ANKHD1: variants seen among roughly 807,000 people sequenced by gnomAD.
ANKHD1 encodes the protein ankyrin repeat and KH domain containing 1.
ANKHD1 carries 31 observed loss-of-function variants against 230.5 expected under a neutral mutation model. That is an observed-to-expected ratio of 0.13 (90% CI 0.10 to 0.18). The LOEUF is 0.18. Among genes scored for constraint, ANKHD1 ranks in the 10% least tolerant of loss-of-function variants. The probability of loss-of-function intolerance (pLI) is 1.00; values close to 1 mark genes in which losing one functional copy is unlikely to be tolerated. For synonymous variants in ANKHD1, 1,074 were observed against 1,117.6 expected (o/e 0.96, Z 0.78); for missense variants, 2,256 against 3,071.3 (o/e 0.73, Z 6.27).
intron 14 of ANKHD1, among the ~76,000 whole-genome samples, chr5:140,491,588 A>G (rs1017288679): frequency 2.0e-5 from 3 of 152,154 alleles, no homozygotes; most frequent in Non-Finnish European, 2.9e-5. Context: ...GTTTCTACCT[A>G]TAGCATAGTG....
At chr5:140,522,313 A>T (rs1262686297) in intron 24 of ANKHD1, among the ~76,000 whole-genome samples, 1 of 152,212 alleles carries the variant, frequency 6.6e-6, no homozygotes, top group Non-Finnish European at 1.5e-5. Context: ...TTTTATTGCC[A>T]AATACGAAAA....
chr5:140,465,503 C>T (rs1187755849), intron 10 of ANKHD1, among the ~76,000 whole-genome samples: 1 of 152,112 alleles, frequency 6.6e-6, no homozygotes, highest in East Asian at 1.9e-4. Context: ...TAAACTGCTT[C>T]CTAGAGTTTT....
Position 140,528,585 on chromosome 5 carries a change from C to A in ANKHD1, c.5639C>A (p.Thr1880Asn). ...PRLPMAQFGG[T>N]FSPSPNTWGP... is the part of the protein sequence containing the mutation. ...TTACCCATGGCCCAGTTTGGAGGAACCTTCTCACCTTCTCCTAACACATGG... is the reference window on the plus strand; with the variant it reads ...TTACCCATGGCCCAGTTTGGAGGAAACTTCTCACCTTCTCCTAACACATGG... Residue 1880 changes from threonine to asparagine, a missense_variant, in exon 29 of 34, where the codon ACC becomes AAC. By Grantham distance (65) the Thr-to-Asn change is moderately conservative. This residue lies in a region of ANKHD1 where 778 missense variants were observed against 966.5 expected (regional missense o/e 0.80). Transcript: ENST00000360839. 6.2e-7 allele frequency: 1 copy of A among 1,614,172 alleles called. No individual in the cohort carries two copies. The highest frequency in any genetic ancestry group is 8.5e-7 in the Non-Finnish European group (1 of 1,180,038).
chr5:140,453,256 C>T (rs900998751), intron 7 of ANKHD1, among the ~76,000 whole-genome samples: 9 of 152,122 alleles, frequency 5.9e-5, no homozygotes, highest in Non-Finnish European at 8.8e-5. Flanking sequence ...CTGAAAGTGA[C>T]GGGGAGAATG....
At chr5:140,514,877 C>T (rs867478988) in intron 24 of ANKHD1, among the ~76,000 whole-genome samples, 3 of 151,706 alleles carry the variant, frequency 2.0e-5, no homozygotes, top group Admixed American at 6.6e-5. Flanking sequence ...GAGGCTGAGG[C>T]GAGAGGATCT....
chr5:140,464,783 T>C lies in ANKHD1; in HGVS notation c.1782+7T>C. 2 of 1,585,606 alleles carry C rather than the reference T, an allele frequency of 1.3e-6. No individual in the cohort carries two copies. Among genetic ancestry groups the C allele is most frequent in the Non-Finnish European group, 1.7e-6 (2 of 1,163,818 alleles). On this transcript the variant is annotated splice_region_variant and intron_variant, in intron 10 of 33. Transcript: ENST00000360839. ...TCAAGCAGGGGCTGATTTAGTAAGATATTTTTAATTTCAAATATTTTTGCG... is the reference window on the plus strand; with the variant it reads ...TCAAGCAGGGGCTGATTTAGTAAGACATTTTTAATTTCAAATATTTTTGCG...
chr5:140,492,935 C>A (rs920203504), intron 14 of ANKHD1, among the ~76,000 whole-genome samples: 3 of 152,078 alleles, frequency 2.0e-5, no homozygotes, highest in African/African-American at 7.2e-5. Flanking sequence ...AAAATAAAGG[C>A]CATGTTTAAG....
At chr5:140,510,618 T>C (rs2127059852) in intron 22 of ANKHD1, among the ~76,000 whole-genome samples, 1 of 152,190 alleles carries the variant, frequency 6.6e-6, no homozygotes, top group East Asian at 1.9e-4. Context: ...CATTCTTTTG[T>C]GGCCAAATCT....
In ANKHD1 at chr5:140,523,153, G is replaced by A. The variant is rs187049102; in HGVS notation, c.4318-913G>A. On this transcript the variant is annotated intron_variant, in intron 24 of 33. Coordinates refer to ENST00000360839, the MANE Select transcript of ANKHD1 (RefSeq NM_017747.3). Reference sequence around the variant, plus strand: ...TTAAGAGACAGGGTTTTACTCTGTTGCCAAGGCTGAGTGCAGTGACATGAT... The same window carrying A: ...TTAAGAGACAGGGTTTTACTCTGTTACCAAGGCTGAGTGCAGTGACATGAT... Among the ~76,000 whole-genome samples the A allele has an allele frequency of 5.3e-3, 499 of 94,778 alleles. 3 individuals are homozygous for A. The highest frequency in any genetic ancestry group is 8.6e-3 in the Non-Finnish European group (432 of 50,422). The allele number at this position is 94,778 out of a possible 152,430, so 62.2% of individuals were successfully genotyped here. A position where few individuals can be genotyped will look rare whatever the true frequency, so the allele number is the denominator to read the frequency against.
intron 1 of ANKHD1, 38 bp from the exon 2 acceptor site, chr5:140,436,066 T>C (rs754934165): frequency 6.8e-6 from 10 of 1,460,852 alleles, no homozygotes; most frequent in Non-Finnish European, 9.1e-6. Context: ...CATATTGATA[T>C]CAGTTTCATG....
intron 10 of ANKHD1, among the ~76,000 whole-genome samples, chr5:140,479,239 C>T (rs1387241126): frequency 2.0e-5 from 3 of 151,544 alleles, no homozygotes; most frequent in East Asian, 1.9e-4. Flanking sequence ...CCTCATGATC[C>T]CCCCCGCCTC....
chr5:140,419,822 CT>C (rs1406002868), intron 1 of ANKHD1, among the ~76,000 whole-genome samples: 1 of 98,808 alleles, frequency 1.0e-5, no homozygotes, highest in Non-Finnish European at 2.3e-5. Context: ...TTCTTTCTTT[CT>C]TTCTTTCTTT....
intron 33 of ANKHD1, 93 bp from the exon 34 acceptor site, chr5:140,539,266 G>A: frequency 6.3e-7 from 1 of 1,592,012 alleles, no homozygotes; most frequent in East Asian, 2.2e-5. Context: ...TTCCTAGGCA[G>A]AAACAGTGAA....
At chr5:140,415,250 G>A (rs1320422236) in intron 1 of ANKHD1, among the ~76,000 whole-genome samples, 3 of 151,742 alleles carry the variant, frequency 2.0e-5, no homozygotes, top group African/African-American at 2.4e-5. Context: ...GGGCATGGTG[G>A]TGCCTGCCTG....
rs745316053 is a variant in ANKHD1 at position 140,527,251 on chromosome 5, C to A, written c.5087+177C>A. The A allele has an allele frequency of 7.6e-6, 8 of 1,057,616 alleles. No homozygotes were observed. The highest frequency in any genetic ancestry group is 1.0e-5 in the Non-Finnish European group (8 of 802,748). The allele number at this position is 1,057,616 out of a possible 1,614,324, so 65.5% of individuals were successfully genotyped here. Reference sequence around the variant, plus strand: ...AGAAGCAGTATGTAAATTTTGCATGCATATTTTATATGACACAAGAAATTT... The same window carrying A: ...AGAAGCAGTATGTAAATTTTGCATGAATATTTTATATGACACAAGAAATTT... On this transcript the variant is annotated intron_variant, in intron 27 of 33. Transcript: ENST00000360839. The surrounding 1 kb of genome is among the most constrained non-coding windows in gnomAD (Gnocchi z 4.5).
intron 6 of ANKHD1, among the ~76,000 whole-genome samples, chr5:140,447,212 T>C (rs1483840267): frequency 1.3e-5 from 2 of 151,410 alleles, no homozygotes; most frequent in African/African-American, 4.9e-5. Flanking sequence ...CTATTTTTTA[T>C]TATTTTTAGA....
intron 5 of ANKHD1, 130 bp from the exon 6 acceptor site, chr5:140,445,612 A>G: frequency 1.1e-6 from 1 of 895,096 alleles, no homozygotes; most frequent in Non-Finnish European, 1.5e-6. Context: ...AGGTATACCT[A>G]GAGCATTAGC....
In ANKHD1 at chr5:140,504,937, G is replaced by C. The variant is rs150176598; in HGVS notation, c.3121G>C (p.Val1041Leu). ...SNVASQSMPP[V>L]YPSVDIDAHT... Reference sequence around the variant, plus strand: ...TGTGGCTTCCCAATCGATGCCTCCTGTGTATCCTTCAGTTGACATTGATGC... The same window carrying C: ...TGTGGCTTCCCAATCGATGCCTCCTCTGTATCCTTCAGTTGACATTGATGC... Residue 1041 changes from valine to leucine, a missense_variant, in exon 16 of 34, where the codon GTG (valine) becomes CTG (leucine). By Grantham distance (32) the Val-to-Leu change is conservative (BLOSUM62 1). Around this residue, in one of 13 missense-constraint regions of ANKHD1, gnomAD observed 358 missense variants for 397.7 expected, o/e 0.90. Transcript: ENST00000360839. 3 of 1,614,142 alleles carry C rather than the reference G, an allele frequency of 1.9e-6. No homozygotes were observed. The highest frequency in any genetic ancestry group is 2.5e-6 in the Non-Finnish European group (3 of 1,180,012).
intron 29 of ANKHD1, among the ~76,000 whole-genome samples, chr5:140,530,162 T>A (rs1436558930): frequency 6.6e-6 from 1 of 152,064 alleles, no homozygotes; most frequent in Non-Finnish European, 1.5e-5. Context: ...CTCTTGTTTA[T>A]TTTAGGTATA....
Sources: gnomAD v4.1 joint callset for allele counts (sites outside exome capture counted in the v4.1 genomes callset) on GRCh38, gnomAD v4.1.1 for gene constraint, gnomAD v4.1.1 regional missense constraint, Gnocchi (gnomAD v3.1) non-coding constraint, MANE v1.5 for transcripts, NCBI Gene and HGNC (gene_info 2026-07-23, HGNC 2026-07-21) for gene names.